INSR: variants seen among roughly 807,000 people sequenced by gnomAD.
INSR encodes IR.
Under a neutral mutation model 142.6 loss-of-function variants are expected in INSR, and 67 were observed. The ratio of observed to expected loss-of-function variants is 0.47; its 90% confidence interval spans 0.39 to 0.58. INSR has a LOEUF of 0.58. INSR is among the 20% of genes least tolerant of loss of function. The pLI, the probability that INSR is intolerant of heterozygous loss-of-function variation, is 0.00. For synonymous variants in INSR, 756 were observed against 743.1 expected (o/e 1.02, Z -0.28); for missense variants, 1,248 against 1,833.2 (o/e 0.68, Z 5.83).
At chr19:7,254,093 C>T (rs566884182) in intron 2 of INSR, among the ~76,000 whole-genome samples, 2 of 151,738 alleles carry the variant, frequency 1.3e-5, no homozygotes, top group East Asian at 1.9e-4. Context: ...AACAGGTCGG[C>T]CTGGTGGCTG....
chr19:7,218,377 G>C, intron 2 of INSR, among the ~76,000 whole-genome samples: 1 of 152,034 alleles, frequency 6.6e-6, no homozygotes, highest in East Asian at 1.9e-4. Flanking sequence ...TCATCTAAGA[G>C]AAATCAAATC....
At chr19:7,126,727 C>T in intron 15 of INSR, 76 bp from the exon 16 acceptor site, 3 of 1,352,422 alleles carry the variant, frequency 2.2e-6, no homozygotes, top group Non-Finnish European at 3.1e-6. Context: ...TACAAGACTC[C>T]CCAAGGCAAA....
chr19:7,130,047 C>G (rs900215912), intron 14 of INSR, among the ~76,000 whole-genome samples: 2 of 151,080 alleles, frequency 1.3e-5, no homozygotes, highest in Non-Finnish European at 3.0e-5. Flanking sequence ...CCAAAAAACT[C>G]TAGTAACAAA....
intron 2 of INSR, among the ~76,000 whole-genome samples, chr19:7,257,708 AAGG>A (rs1452154729): frequency 1.3e-5 from 2 of 152,032 alleles, no homozygotes; most frequent in African/African-American, 2.4e-5. Context: ...AAAGGAAAGA[AAGG>A]AAGGAAAGAG....
intron 17 of INSR, chr19:7,123,243 A>G (rs137949645): frequency 0.015 from 7,048 of 459,646 alleles, 85 homozygotes; most frequent in Non-Finnish European, 0.021. Flanking sequence ...ATCTCGGCTC[A>G]CTGCAACCTT....
intron 1 of INSR, among the ~76,000 whole-genome samples, chr19:7,284,142 G>A (rs899525031): frequency 4.0e-5 from 6 of 151,854 alleles, no homozygotes; most frequent in African/African-American, 1.5e-4. Context: ...TTGGCTCACT[G>A]CAACCTTCAC....
At position 7,123,915 on chromosome 19, in the gene INSR, T is replaced by C. The variant is rs1299400816; in HGVS notation, c.3259-926A>G. On this transcript the variant is annotated intron_variant, in intron 17 of 21. Coordinates refer to ENST00000302850, the MANE Select transcript of INSR (RefSeq NM_000208.4). ...TCCACTCTGGGCGACAGAGAGAGAC[T>C]CTGTCTTAAAAATATATAAAAATAG... 2.0e-5 allele frequency among the ~76,000 whole-genome samples: 3 copies of C among 150,338 alleles called. No homozygotes were observed. In the East Asian group the frequency reaches 6.0e-4, roughly 30 times the overall value.
At chr19:7,276,283 C>G (rs1026243769) in intron 1 of INSR, among the ~76,000 whole-genome samples, 2 of 151,616 alleles carry the variant, frequency 1.3e-5, no homozygotes, top group African/African-American at 4.9e-5. Flanking sequence ...GTAGCTGGGA[C>G]TACAGCTGCG....
chr19:7,281,587 G>A (rs763621918), intron 1 of INSR, among the ~76,000 whole-genome samples: 3 of 151,886 alleles, frequency 2.0e-5, no homozygotes, highest in Non-Finnish European at 4.4e-5. Flanking sequence ...AGGAGGAAGC[G>A]CGAGAATCAT....
intron 2 of INSR, among the ~76,000 whole-genome samples, chr19:7,196,760 A>G (rs199940100): frequency 1.3e-5 from 2 of 152,176 alleles, no homozygotes; most frequent in East Asian, 3.9e-4. Context: ...AAAAAAAAAA[A>G]GTTTAAAAAC....
In INSR at chr19:7,163,851, G is replaced by T. The variant is rs1265806757; in HGVS notation, c.1862-652C>A. Among the ~76,000 whole-genome samples, 4 of 146,392 alleles carry T rather than the reference G, an allele frequency of 2.7e-5. No homozygotes were observed. The Admixed American group carries it at 2.8e-4, about 10-fold the overall frequency. ...CCAGCACTTTAGAAGGCCGAGGTGG[G>T]CGAATCATCTGAATCACCTGAGATC... On this transcript the variant is annotated intron_variant, in intron 8 of 21. Coordinates refer to ENST00000302850, the MANE Select transcript of INSR (RefSeq NM_000208.4).
chr19:7,120,860 C>T lies in INSR; in HGVS notation c.3530-111G>A, dbSNP rs1321369613. The stretch of plus-strand genomic sequence containing the variant: ...CCCTAAGAGGGGTTCACCTGGCCCA[C>T]GTCTGCGCTCACCTGGGTGGTGGCC... On this transcript the variant is annotated intron_variant, in intron 19 of 21. Coordinates refer to ENST00000302850, the MANE Select transcript of INSR (RefSeq NM_000208.4). 1.8e-5 allele frequency: 25 copies of T among 1,376,442 alleles called. No homozygotes were observed. The East Asian group carries it at 2.1e-4, about 11-fold the overall frequency. The allele number at this position is 1,376,442 out of a possible 1,614,324, so 85.3% of individuals were successfully genotyped here. A position where few individuals can be genotyped will look rare whatever the true frequency, so the allele number is the denominator to read the frequency against.
At chr19:7,210,876 C>G (rs1013690783) in intron 2 of INSR, among the ~76,000 whole-genome samples, 2 of 151,912 alleles carry the variant, frequency 1.3e-5, no homozygotes, top group Admixed American at 6.6e-5. Flanking sequence ...ATTACAGCCA[C>G]CCACCACCAT....
chr19:7,293,696 G>A, intron 1 of INSR, 96 bp downstream of exon 1: 1 of 1,020,236 alleles, frequency 9.8e-7, no homozygotes, highest in Non-Finnish European at 1.2e-6. Flanking sequence ...CCCTGGGGAG[G>A]GTTCTCAGTC....
rs56796695 is a variant in INSR at position 7,282,980 on chromosome 19, G to GTAATAATAATAA, written c.100+10800_100+10811dup. Among the ~76,000 whole-genome samples the GTAATAATAATAA allele has an allele frequency of 1.3e-3, 194 of 146,416 alleles. 1 individual carries two copies. Among genetic ancestry groups the GTAATAATAATAA allele is most frequent in the African/African-American group, 4.3e-3 (171 of 39,716 alleles). On this transcript the variant is annotated intron_variant, in intron 1 of 21. Coordinates refer to ENST00000302850, the MANE Select transcript of INSR (RefSeq NM_000208.4). ...AGAGTGAGACTCCGCCTCAAAAAAA[G>GTAATAATAATAA]TAATAATAATAATAATAATAATAGG...
intron 1 of INSR, among the ~76,000 whole-genome samples, chr19:7,279,993 C>T (rs753208344): frequency 6.6e-5 from 10 of 151,268 alleles, no homozygotes; most frequent in Non-Finnish European, 1.3e-4. Context: ...AGGCCAGGCA[C>T]GGTGGCTCAC....
chr19:7,294,036 G>T lies in INSR; in HGVS notation c.-145C>A. 1.1e-6 allele frequency: 1 copy of T among 877,946 alleles called. No individual in the cohort carries two copies. Among genetic ancestry groups the T allele is most frequent in the Non-Finnish European group, 1.4e-6 (1 of 703,718 alleles). 54.4% of individuals were successfully genotyped at this position (877,946 alleles called of 1,614,324 possible). On this transcript the variant is annotated 5_prime_UTR_variant, in exon 1 of 22. Transcript: ENST00000302850. ...GCGACCCGCGGGCCGCAGCCCCCCT[G>T]CCGGGGAGGGCCCAGAGGCAGCCCC... is the stretch of plus-strand genomic sequence containing the variant.
In INSR at chr19:7,267,261, T is replaced by A. The variant is rs1967762151; in HGVS notation, c.652+84A>T. 6 of 1,446,954 alleles carry A rather than the reference T, an allele frequency of 4.1e-6. No homozygotes were observed. In the Admixed American group the frequency reaches 1.0e-4, roughly 25 times the overall value. The allele number at this position is 1,446,954 out of a possible 1,614,324, so 89.6% of individuals were successfully genotyped here. On this transcript the variant is annotated intron_variant, in intron 2 of 21. Transcript: ENST00000302850. The surrounding 1 kb of genome is among the most constrained non-coding windows in gnomAD (Gnocchi z 6.3). ...TCCCCGGCCCCTACCTAATGACCAT[T>A]TAACATTTTTAAGCCATAAAACATT...
intron 11 of INSR, among the ~76,000 whole-genome samples, chr19:7,146,302 C>T (rs1454470396): frequency 4.3e-5 from 6 of 139,022 alleles, no homozygotes; most frequent in East Asian, 2.1e-4. Flanking sequence ...TGTGCAATGG[C>T]GCAACCTCGG....
Sources: gnomAD v4.1 joint callset for allele counts (sites outside exome capture counted in the v4.1 genomes callset) on GRCh38, gnomAD v4.1.1 for gene constraint, Gnocchi (gnomAD v3.1) non-coding constraint, MANE v1.5 for transcripts, NCBI Gene and HGNC (gene_info 2026-07-23, HGNC 2026-07-21) for gene names.